IL13RA2: variants seen among roughly 807,000 people sequenced by gnomAD.
IL13RA2 encodes interleukin-13 receptor subunit alpha-2.
Under a neutral mutation model 34.1 loss-of-function variants are expected in IL13RA2, and 25 were observed. The observed-to-expected ratio is 0.73, with a 90% CI of 0.53 to 1.03. IL13RA2 has a LOEUF of 1.03. Among genes scored for constraint, IL13RA2 ranks in the 50% least tolerant of loss-of-function variants. The probability of loss-of-function intolerance (pLI) is 0.00; values close to 1 mark genes in which losing one functional copy is unlikely to be tolerated. For missense variants in IL13RA2, 297 were observed against 280.9 expected (o/e 1.06, Z -0.41); for synonymous variants, 106 against 100.4 (o/e 1.06, Z -0.33).
chrX:115,005,816 A>G (rs1384507905), intron 8 of IL13RA2, among the ~76,000 whole-genome samples: 1 of 112,231 alleles, frequency 8.9e-6, no homozygotes, highest in Non-Finnish European at 1.9e-5. Context: ...CTCATATTTT[A>G]AAGACCAAAG....
chrX:115,011,009 G>A (rs1231689209), intron 5 of IL13RA2, among the ~76,000 whole-genome samples, 181 bp from the exon 6 acceptor site: 1 of 111,738 alleles, frequency 8.9e-6, no homozygotes, highest in Non-Finnish European at 1.9e-5. Flanking sequence ...AAAAACAGTA[G>A]GGAAAGCAGA....
At position 115,014,541 on chromosome X, in the gene IL13RA2, C is replaced by T. The variant is rs933765420; in HGVS notation, c.280G>A (p.Gly94Arg). Residue 94 changes from glycine (G) to arginine (R), a missense_variant, in exon 4 of 10, where the codon GGG becomes AGG. Transcript: ENST00000243213. ...TCAATGCCCTTGTTAAGATCAAACC[C>T]ATCTTTGTAATGTAGATTCTTAGTA... Reference protein sequence around the residue: ...IITKNLHYKDGFDLNKGIEAK... With the variant: ...IITKNLHYKDRFDLNKGIEAK... 1.2e-5 allele frequency: 14 copies of T among 1,187,469 alleles called. No homozygotes were observed. Among genetic ancestry groups the T allele is most frequent in the Non-Finnish European group, 1.6e-5 (14 of 877,681 alleles).
In IL13RA2 at chrX:115,004,119, C is replaced by A. The variant is rs1556507004; in HGVS notation, c.1117-13G>T. On this transcript the variant is annotated splice_polypyrimidine_tract_variant and intron_variant, in intron 9 of 9. Coordinates refer to ENST00000243213, the MANE Select transcript of IL13RA2 (RefSeq NM_000640.3). ...AAAATTCTGGAATCTAGAAAGAACTCTGTTATTAACAAGTCATCTCTAATA... is the reference window on the plus strand; with the variant it reads ...AAAATTCTGGAATCTAGAAAGAACTATGTTATTAACAAGTCATCTCTAATA... 1.1e-6 allele frequency: 1 copy of A among 939,480 alleles called. No individual in the cohort carries two copies. The highest frequency in any genetic ancestry group is 1.9e-5 in the African/African-American group (1 of 51,699). The allele number at this position is 939,480 out of a possible 1,213,427, so 77.4% of individuals were successfully genotyped here.
At chrX:115,009,401 A>G in intron 7 of IL13RA2, 120 bp downstream of exon 7, 4 of 499,791 alleles carry the variant, frequency 8.0e-6, no homozygotes, top group Non-Finnish European at 1.3e-5. Context: ...TGGAAATTGA[A>G]CTAAGATATA....
At chrX:115,009,309 A>G (rs782067175) in intron 7 of IL13RA2, among the ~76,000 whole-genome samples, 19 of 110,915 alleles carry the variant, frequency 1.7e-4, no homozygotes, top group Non-Finnish European at 3.2e-4. Flanking sequence ...AAAACAAGTG[A>G]CTAGATAATC....
intron 8 of IL13RA2, among the ~76,000 whole-genome samples, chrX:115,005,527 T>C (rs1205435362): frequency 1.8e-5 from 2 of 112,594 alleles, no homozygotes; most frequent in Admixed American, 1.9e-4. Flanking sequence ...AACTGTGACA[T>C]GTCTTATTTT....
intron 5 of IL13RA2, among the ~76,000 whole-genome samples, chrX:115,012,089 G>C (rs1392635470): frequency 1.8e-5 from 2 of 112,274 alleles, no homozygotes; most frequent in African/African-American, 6.5e-5. Flanking sequence ...GCAGGGATTA[G>C]AACCCAGATC....
Position 115,005,377 on chromosome X carries a change from G to A in IL13RA2, c.998-62C>T. 4.9e-6 allele frequency: 3 copies of A among 607,365 alleles called. No homozygotes were observed. In the South Asian group the frequency reaches 7.0e-5, roughly 14 times the overall value. 50.1% of individuals were successfully genotyped at this position (607,365 alleles called of 1,213,427 possible). A position where few individuals can be genotyped will look rare whatever the true frequency, so the allele number is the denominator to read the frequency against. On this transcript the variant is annotated intron_variant, in intron 8 of 9. Transcript: ENST00000243213. ...GACATTTGCCACTATTTTTGAAACT[G>A]AATTATTTTATAAATACTTCAGAAC...
chrX:115,014,770 A>G (rs1276024110), intron 3 of IL13RA2, among the ~76,000 whole-genome samples, 196 bp from the exon 4 acceptor site: 1 of 111,841 alleles, frequency 8.9e-6, no homozygotes, highest in Non-Finnish European at 1.9e-5. Flanking sequence ...ATTTTATGAG[A>G]TCATTTGAAT....
Position 115,013,306 on chromosome X carries a change from A to G in IL13RA2, c.521+463T>C, listed in dbSNP as rs977219813. Among the ~76,000 whole-genome samples the G allele has an allele frequency of 4.2e-4, 47 of 111,069 alleles. 1 individual carries two copies. The highest frequency in any genetic ancestry group is 1.5e-3 in the African/African-American group (47 of 30,507). On this transcript the variant is annotated intron_variant, in intron 5 of 9. Transcript: ENST00000243213. ...TAACAGATGTGCAACCTTGCAAAGG[A>G]GCATCAGAACATGGTGATCATGTTA...
At chrX:115,016,664 A>C (rs2147589998) in intron 2 of IL13RA2, among the ~76,000 whole-genome samples, 1 of 106,973 alleles carries the variant, frequency 9.3e-6, no homozygotes, top group South Asian at 3.8e-4. Context: ...ATAATATAAT[A>C]ATATACTATA....
rs1556506999 is a variant in IL13RA2 at position 115,004,082 on chromosome X, A to G, written c.1141T>C (p.Ter381ArgextTer23). 1 of 1,061,614 alleles carries G rather than the reference A, an allele frequency of 9.4e-7. No individual in the cohort carries two copies. Among genetic ancestry groups the G allele is most frequent in the African/African-American group, 1.8e-5 (1 of 54,877 alleles). The allele number at this position is 1,061,614 out of a possible 1,213,427, so 87.5% of individuals were successfully genotyped here. A position where few individuals can be genotyped will look rare whatever the true frequency, so the allele number is the denominator to read the frequency against. Reference sequence around the variant, plus strand: ...ATGTCTCTTGATATGGAAAGTCTTCATGTATCACAGAAAAATTCTGGAATC... The same window carrying G: ...ATGTCTCTTGATATGGAAAGTCTTCGTGTATCACAGAAAAATTCTGGAATC... ...KMIPEFFCDT* is the reference protein window; with the variant it reads ...KMIPEFFCDTR Residue 381 changes from the stop codon to arginine (R), a stop_lost, in exon 10 of 10, where the codon TGA becomes CGA. Transcript: ENST00000243213.
chrX:115,016,164 A>G (rs2071726413), intron 2 of IL13RA2, among the ~76,000 whole-genome samples: 1 of 111,547 alleles, frequency 9.0e-6, no homozygotes. Flanking sequence ...ATGCAGGGTG[A>G]CTGCTTAATG....
rs782537541 is a variant in IL13RA2 at position 115,004,099 on chromosome X, T to C, written c.1124A>G (p.Glu375Gly). 2 of 1,046,290 alleles carry C rather than the reference T, an allele frequency of 1.9e-6. No homozygotes were observed. The highest frequency in any genetic ancestry group is 6.1e-5 in the East Asian group (2 of 32,774). The allele number at this position is 1,046,290 out of a possible 1,213,427, so 86.2% of individuals were successfully genotyped here. A position where few individuals can be genotyped will look rare whatever the true frequency, so the allele number is the denominator to read the frequency against. The change falls in exon 10 of 10, where the codon GAA (glutamate) becomes GGA (glycine). Residue 375 changes from glutamate to glycine, a missense_variant. By Grantham distance (98) the Glu-to-Gly change is moderately conservative. Coordinates refer to ENST00000243213, the MANE Select transcript of IL13RA2 (RefSeq NM_000640.3). ...KPNTYPKMIPEFFCDT is the reference protein window; with the variant it reads ...KPNTYPKMIPGFFCDT Reference sequence around the variant, plus strand: ...AAGTCTTCATGTATCACAGAAAAATTCTGGAATCTAGAAAGAACTCTGTTA... The same window carrying C: ...AAGTCTTCATGTATCACAGAAAAATCCTGGAATCTAGAAAGAACTCTGTTA...
At chrX:115,008,699 T>TA (rs1406285174) in intron 7 of IL13RA2, among the ~76,000 whole-genome samples, 1 of 111,367 alleles carries the variant, frequency 9.0e-6, no homozygotes, top group Admixed American at 9.6e-5. Flanking sequence ...GATCTCAGAG[T>TA]AAAAAAATCA....
intron 7 of IL13RA2, among the ~76,000 whole-genome samples, chrX:115,009,049 A>C (rs781920263): frequency 5.3e-4 from 59 of 111,638 alleles, no homozygotes; most frequent in Middle Eastern, 4.2e-3. Flanking sequence ...GATTAAAGGC[A>C]TCACCACATT....
intron 4 of IL13RA2, 49 bp downstream of exon 4, chrX:115,014,372 A>G (rs782785954): frequency 5.2e-6 from 5 of 969,268 alleles, no homozygotes; most frequent in South Asian, 5.1e-5. Flanking sequence ...TTATTCCCAA[A>G]TGAATTGTTC....
intron 8 of IL13RA2, among the ~76,000 whole-genome samples, chrX:115,005,787 G>T (rs1330011263): frequency 1.8e-5 from 2 of 111,897 alleles, no homozygotes; most frequent in African/African-American, 6.5e-5. Context: ...ATCTTTTAAG[G>T]TTACCTTTTT....
At chrX:115,016,640 TTATAA>T (rs1404303252) in intron 2 of IL13RA2, among the ~76,000 whole-genome samples, 3 of 103,079 alleles carry the variant, frequency 2.9e-5, no homozygotes, top group East Asian at 2.8e-4. Flanking sequence ...ATTATATTAA[TTATAA>T]TATAATATAT....
Sources: allele counts gnomAD v4.1 joint callset (sites outside exome capture counted in the v4.1 genomes callset), GRCh38; gene constraint gnomAD v4.1.1; transcripts MANE v1.5; gene names NCBI Gene and HGNC (gene_info 2026-07-23, HGNC 2026-07-21).